The following RBFOX2 variants were observed in gnomAD, a reference collection of about 807,000 sequenced individuals.
RBFOX2 encodes the protein RNA binding fox-1 homolog 2.
RBFOX2 carries 10 observed loss-of-function variants against 49.1 expected under a neutral mutation model. The ratio of observed to expected loss-of-function variants is 0.20; its 90% CI spans 0.13 to 0.35. The LOEUF (loss-of-function observed/expected upper bound fraction) is 0.35, where lower values mean the gene tolerates loss of function less well. Among genes scored for constraint, RBFOX2 ranks in the 10% least tolerant of loss-of-function variants. The pLI is 1.00. For synonymous variants in RBFOX2, 183 were observed against 187.4 expected (o/e 0.98, Z 0.19); for missense variants, 323 against 486.9 (o/e 0.66, Z 3.17).
intron 1 of RBFOX2, among the ~76,000 whole-genome samples, chr22:35,855,034 A>G (rs966212111): frequency 6.6e-6 from 1 of 152,188 alleles, no homozygotes; most frequent in African/African-American, 2.4e-5. Context: ...ATAGCTCAAC[A>G]TCATTCTTTC....
chr22:35,750,020 C>T (rs1402746757), intron 9 of RBFOX2, among the ~76,000 whole-genome samples: 1 of 152,130 alleles, frequency 6.6e-6, no homozygotes, highest in Non-Finnish European at 1.5e-5. Flanking sequence ...ATTACTAGAG[C>T]GTGCAGCCAC....
At chr22:35,751,909 T>C in intron 9 of RBFOX2, among the ~76,000 whole-genome samples, 1 of 152,202 alleles carries the variant, frequency 6.6e-6, no homozygotes, top group East Asian at 1.9e-4. Context: ...AATTAGTTCA[T>C]TTCCAAAATC....
At chr22:36,021,387 G>C (rs368892591) in intron 1 of RBFOX2, among the ~76,000 whole-genome samples, 2 of 151,766 alleles carry the variant, frequency 1.3e-5, no homozygotes, top group Non-Finnish European at 2.9e-5. Flanking sequence ...CCTAGAACTT[G>C]AAGTATAATA....
chr22:35,873,573 T>C (rs1278698163), intron 1 of RBFOX2, among the ~76,000 whole-genome samples: 2 of 152,218 alleles, frequency 1.3e-5, no homozygotes, highest in Admixed American at 6.5e-5. Flanking sequence ...CAAATATTAG[T>C]ATCAACACAG....
intron 1 of RBFOX2, among the ~76,000 whole-genome samples, chr22:35,917,077 T>C (rs1251680714): frequency 6.6e-6 from 1 of 152,172 alleles, no homozygotes; most frequent in East Asian, 1.9e-4. Context: ...ACCCATCCCA[T>C]CATGAATGGT....
chr22:35,983,556 C>A (rs1401345649), intron 1 of RBFOX2, among the ~76,000 whole-genome samples: 1 of 152,056 alleles, frequency 6.6e-6, no homozygotes, highest in Non-Finnish European at 1.5e-5. Flanking sequence ...TAAAAGCAAT[C>A]TCAGAAATAA....
intron 1 of RBFOX2, among the ~76,000 whole-genome samples, chr22:35,949,461 A>G (rs2054670783): frequency 2.0e-5 from 3 of 152,224 alleles, no homozygotes; most frequent in Non-Finnish European, 4.4e-5. Context: ...ACAATATTTA[A>G]CTTTTTAAGG....
chr22:35,785,744 TAGC>T (rs1168068336), intron 2 of RBFOX2, among the ~76,000 whole-genome samples: 1 of 152,230 alleles, frequency 6.6e-6, no homozygotes, highest in Non-Finnish European at 1.5e-5. Flanking sequence ...GATATAAAAA[TAGC>T]AGAAAAGGGA....
At chr22:35,963,984 G>A (rs981922683), upstream of RBFOX2, among the ~76,000 whole-genome samples, 4 of 152,152 alleles carry the variant, frequency 2.6e-5, no homozygotes, top group Admixed American at 1.3e-4. Flanking sequence ...GACCTCAGTC[G>A]ATTTCCACAC....
At chr22:35,812,685 A>G (rs142667451) in intron 1 of RBFOX2, among the ~76,000 whole-genome samples, 1 of 152,350 alleles carries the variant, frequency 6.6e-6, no homozygotes, top group African/African-American at 2.4e-5. Flanking sequence ...AATCCATAAG[A>G]AAGTTCTACT....
At chr22:35,797,722 T>C (rs1209757509) in intron 2 of RBFOX2, among the ~76,000 whole-genome samples, 1 of 152,206 alleles carries the variant, frequency 6.6e-6, no homozygotes, top group Admixed American at 6.5e-5. Context: ...GGTATTACTA[T>C]GAAAATAATA....
intron 1 of RBFOX2, among the ~76,000 whole-genome samples, chr22:35,911,482 T>G (rs1196062650): frequency 6.6e-6 from 1 of 152,142 alleles, no homozygotes; most frequent in East Asian, 1.9e-4. Flanking sequence ...TTGCATCTTT[T>G]AAAAATCCAA....
chr22:36,012,574 G>A (rs2058862357), intron 1 of RBFOX2, among the ~76,000 whole-genome samples: 1 of 152,042 alleles, frequency 6.6e-6, no homozygotes, highest in South Asian at 2.1e-4. Flanking sequence ...ACTCCAGCCT[G>A]AGTGACTAAG....
At chr22:35,783,901 A>G (rs1466513779) in intron 2 of RBFOX2, among the ~76,000 whole-genome samples, 2 of 152,216 alleles carry the variant, frequency 1.3e-5, no homozygotes, top group Non-Finnish European at 2.9e-5. Flanking sequence ...AAAGGAAGAA[A>G]TCCAGGCTCA....
At chr22:35,791,897 A>G (rs1947747328) in intron 2 of RBFOX2, among the ~76,000 whole-genome samples, 1 of 152,190 alleles carries the variant, frequency 6.6e-6, no homozygotes, top group Non-Finnish European at 1.5e-5. Flanking sequence ...CATTTAGTGT[A>G]AGGGACATAG....
At chr22:35,850,701 A>G (rs2041841971) in intron 1 of RBFOX2, among the ~76,000 whole-genome samples, 1 of 152,150 alleles carries the variant, frequency 6.6e-6, no homozygotes, top group Non-Finnish European at 1.5e-5. Context: ...GCAGTAACAA[A>G]CATGGACAGG....
At chr22:35,891,383 T>G (rs903646831) in intron 1 of RBFOX2, among the ~76,000 whole-genome samples, 2 of 152,056 alleles carry the variant, frequency 1.3e-5, no homozygotes, top group African/African-American at 4.8e-5. Flanking sequence ...TCCGCCATCC[T>G]CGGCCTTCCA....
intron 1 of RBFOX2, among the ~76,000 whole-genome samples, chr22:35,827,996 A>T (rs1249249819): frequency 6.6e-6 from 1 of 152,104 alleles, no homozygotes; most frequent in Non-Finnish European, 1.5e-5. Flanking sequence ...CCCCATCTCT[A>T]CTAAAAATAC....
intron 1 of RBFOX2, among the ~76,000 whole-genome samples, 192 bp downstream of exon 2, chr22:35,938,654 AT>A (rs1165109076): frequency 2.6e-5 from 4 of 152,194 alleles, no homozygotes; most frequent in Non-Finnish European, 1.5e-5. Context: ...AATATCCACA[AT>A]TTTAATAACA....
Sources: gnomAD v4.1 joint callset for allele counts (sites outside exome capture counted in the v4.1 genomes callset) on GRCh38, gnomAD v4.1.1 for gene constraint, MANE v1.5 for transcripts, NCBI Gene and HGNC (gene_info 2026-07-23, HGNC 2026-07-21) for gene names.